Variants in CUBN observed in about 807,000 individuals in gnomAD.
The protein encoded by CUBN is cubilin, also known as 460 kDa receptor.
Under a neutral mutation model 405.3 loss-of-function variants are expected in CUBN, and 282 were observed. That is an observed-to-expected ratio of 0.70 (90% CI 0.63 to 0.77). The LOEUF is 0.77. Among genes scored for constraint, CUBN ranks in the 30% least tolerant of loss-of-function variants. The pLI, the probability that CUBN is intolerant of heterozygous loss-of-function variation, is 0.00. For synonymous variants in CUBN, 1,684 were observed against 1,617.0 expected (o/e 1.04, Z -0.99); for missense variants, 4,514 against 4,475.2 (o/e 1.01, Z -0.25).
chr10:16,890,262 G>A (rs987544259), intron 55 of CUBN, 109 bp downstream of exon 55: 26 of 1,007,094 alleles, frequency 2.6e-5, no homozygotes, highest in East Asian at 1.2e-4. Context: ...CATCCTCCCC[G>A]TAGACCCCCA....
intron 59 of CUBN, among the ~76,000 whole-genome samples, chr10:16,855,735 G>GAGC (rs1460423764): frequency 6.6e-6 from 1 of 152,142 alleles, no homozygotes; most frequent in Non-Finnish European, 1.5e-5. Context: ...AACTATAATA[G>GAGC]AGCTCATTGT....
intron 26 of CUBN, among the ~76,000 whole-genome samples, chr10:17,042,141 T>A (rs753044493): frequency 6.6e-6 from 1 of 152,194 alleles, no homozygotes; most frequent in Non-Finnish European, 1.5e-5. Context: ...TTTAAAAAAG[T>A]GTACATTTGT....
At chr10:17,053,391 C>T (rs911636805) in intron 22 of CUBN, among the ~76,000 whole-genome samples, 20 of 151,630 alleles carry the variant, frequency 1.3e-4, no homozygotes, top group African/African-American at 4.8e-4. Context: ...AAAGATATAC[C>T]ATATGAACAG....
At chr10:16,848,793 C>G (rs1427910003) in intron 60 of CUBN, among the ~76,000 whole-genome samples, 2 of 140,750 alleles carry the variant, frequency 1.4e-5, no homozygotes, top group African/African-American at 5.3e-5. Flanking sequence ...CTTATACCTT[C>G]TGGGTTCAGG....
rs759819172 is a variant in CUBN at position 16,869,864 on chromosome 10, T to C, written c.9237-11A>G. 3 of 1,572,498 alleles carry C rather than the reference T, an allele frequency of 1.9e-6. No individual in the cohort carries two copies. The highest frequency in any genetic ancestry group is 2.6e-6 in the Non-Finnish European group (3 of 1,142,230). On this transcript the variant is annotated splice_polypyrimidine_tract_variant and intron_variant, in intron 58 of 66. Transcript: ENST00000377833. ...TCAAAATCACTGAACCTGTGAAATG[T>C]ACCTTGTTAATACTGATGTTTCCAT...
intron 53 of CUBN, among the ~76,000 whole-genome samples, chr10:16,899,856 C>T (rs867021589): frequency 3.0e-4 from 45 of 152,308 alleles, no homozygotes; most frequent in Middle Eastern, 6.8e-3. Context: ...CAGGGGAAGT[C>T]TGACTCAGTC....
At chr10:16,924,310 T>G (rs1842120530) in intron 43 of CUBN, among the ~76,000 whole-genome samples, 1 of 152,154 alleles carries the variant, frequency 6.6e-6, no homozygotes, top group Admixed American at 6.5e-5. Context: ...AGAGCTGCAT[T>G]AAAGCTCCCT....
chr10:16,829,942 G>GTT (rs1020234349), intron 65 of CUBN, among the ~76,000 whole-genome samples: 2 of 128,776 alleles, frequency 1.6e-5, no homozygotes, highest in East Asian at 2.4e-4. Flanking sequence ...TTTTTGTTTT[G>GTT]TTTTTTTTTT....
chr10:16,987,028 G>C (rs1833447145), intron 29 of CUBN, among the ~76,000 whole-genome samples: 1 of 152,142 alleles, frequency 6.6e-6, no homozygotes, highest in African/African-American at 2.4e-5. Context: ...TTCTTGCAAG[G>C]CTGAGCTCAC....
At chr10:17,101,916 T>C (rs1266646491) in intron 13 of CUBN, among the ~76,000 whole-genome samples, 1 of 152,210 alleles carries the variant, frequency 6.6e-6, no homozygotes, top group Non-Finnish European at 1.5e-5. Context: ...CTGTAATGTA[T>C]ATGGAGCACT....
At chr10:17,019,812 T>G (rs1285441553) in intron 28 of CUBN, 21 bp downstream of exon 28, 1 of 1,613,864 alleles carries the variant, frequency 6.2e-7, no homozygotes. Flanking sequence ...CAAATACAAC[T>G]GAGATCAGCA....
chr10:16,895,647 T>C (rs541212881), intron 54 of CUBN, among the ~76,000 whole-genome samples: 1 of 152,310 alleles, frequency 6.6e-6, no homozygotes, highest in East Asian at 1.9e-4. Flanking sequence ...TATGTAAGAT[T>C]CCTCTTTTTC....
chr10:16,982,079 G>T (rs190094325), intron 31 of CUBN, among the ~76,000 whole-genome samples: 1 of 152,282 alleles, frequency 6.6e-6, no homozygotes, highest in Non-Finnish European at 1.5e-5. Context: ...TATATCAGGG[G>T]CTTTTTTGGA....
At chr10:16,986,029 G>A (rs116006806) in intron 29 of CUBN, among the ~76,000 whole-genome samples, 3,011 of 152,310 alleles carry the variant, frequency 0.02, 93 homozygotes, top group African/African-American at 0.067. Context: ...TGTATGTGTG[G>A]GGCTGGGGAG....
chr10:17,025,512 A>G (rs1834636347), intron 27 of CUBN, among the ~76,000 whole-genome samples: 1 of 152,238 alleles, frequency 6.6e-6, no homozygotes, highest in South Asian at 2.1e-4. Context: ...GCCAACAGCA[A>G]ATGAGATAAA....
chr10:17,084,213 G>T, intron 17 of CUBN, 58 bp downstream of exon 17: 1 of 1,548,592 alleles, frequency 6.5e-7, no homozygotes, highest in Non-Finnish European at 8.9e-7. Flanking sequence ...CCACCACTCT[G>T]CAGAATATAA....
At chr10:16,994,642 A>G (rs1833681713) in intron 28 of CUBN, among the ~76,000 whole-genome samples, 1 of 152,232 alleles carries the variant, frequency 6.6e-6, no homozygotes, top group Admixed American at 6.5e-5. Flanking sequence ...GACCACCAAC[A>G]TCCTTGTCGT....
intron 6 of CUBN, 128 bp from the exon 7 acceptor site, chr10:17,115,725 A>G (rs1288610079): frequency 2.6e-6 from 3 of 1,176,382 alleles, no homozygotes; most frequent in Non-Finnish European, 3.8e-6. Context: ...TCAGCCAGCA[A>G]TGCAAATTTA....
intron 28 of CUBN, among the ~76,000 whole-genome samples, chr10:16,994,562 A>T (rs1447000657): frequency 1.3e-5 from 2 of 152,214 alleles, no homozygotes. Flanking sequence ...TGGAGAATAC[A>T]CAAGTCTGGA....
Sources: allele counts gnomAD v4.1 joint callset (sites outside exome capture counted in the v4.1 genomes callset), GRCh38; gene constraint gnomAD v4.1.1; transcripts MANE v1.5; gene names NCBI Gene and HGNC (gene_info 2026-07-23, HGNC 2026-07-21).